COPS3: variants seen among roughly 807,000 people sequenced by gnomAD.
The protein encoded by COPS3 is COP9 signalosome complex subunit 3.
In COPS3, 10 loss-of-function variants were observed where a neutral mutation model predicts 58.2. That is an observed-to-expected ratio of 0.17 (90% confidence interval 0.11 to 0.29). COPS3 has a LOEUF of 0.29. COPS3 is among the 10% of genes least tolerant of loss of function. The probability of loss-of-function intolerance (pLI) is 1.00; values close to 1 mark genes in which losing one functional copy is unlikely to be tolerated. For missense variants in COPS3, 333 were observed against 510.1 expected (o/e 0.65, Z 3.34); for synonymous variants, 187 against 181.7 (o/e 1.03, Z -0.24).
intron 9 of COPS3, among the ~76,000 whole-genome samples, chr17:17,253,543 G>T (rs1243019062): frequency 6.6e-6 from 1 of 152,088 alleles, no homozygotes; most frequent in Non-Finnish European, 1.5e-5. Context: ...TTCCTAAGCT[G>T]GATGCTAAGT....
chr17:17,268,963 C>A (rs2048288938), intron 4 of COPS3, among the ~76,000 whole-genome samples: 1 of 152,120 alleles, frequency 6.6e-6, no homozygotes. Flanking sequence ...CTTAGTACTA[C>A]AAAATAACAA....
At chr17:17,252,249 C>A (rs114808785) in intron 9 of COPS3, among the ~76,000 whole-genome samples, 3,402 of 151,796 alleles carry the variant, frequency 0.022, 133 homozygotes, top group African/African-American at 0.078. Flanking sequence ...CTTTAAAAAA[C>A]AAACAAACAA....
intron 10 of COPS3, 25 bp downstream of exon 10, chr17:17,248,901 A>C: frequency 7.1e-7 from 1 of 1,399,392 alleles, no homozygotes; most frequent in Non-Finnish European, 9.9e-7. Flanking sequence ...AATTAAAAAA[A>C]TAAAAACCTG....
intron 4 of COPS3, among the ~76,000 whole-genome samples, chr17:17,270,190 T>G (rs1483729167): frequency 6.6e-6 from 1 of 151,808 alleles, no homozygotes; most frequent in African/African-American, 2.4e-5. Context: ...CATTTCTGGA[T>G]GCTGACCATT....
chr17:17,274,046 C>T (rs1303150982), intron 2 of COPS3, among the ~76,000 whole-genome samples: 2 of 152,166 alleles, frequency 1.3e-5, no homozygotes, highest in African/African-American at 2.4e-5. Flanking sequence ...ATGTTTTATA[C>T]ACACATAAAC....
chr17:17,263,510 C>CTGTT (rs1342376041), intron 6 of COPS3, among the ~76,000 whole-genome samples: 16 of 98,888 alleles, frequency 1.6e-4, no homozygotes, highest in African/African-American at 6.5e-4. Flanking sequence ...CTTGCCTTTT[C>CTGTT]TTTTTTTTTT....
chr17:17,257,265 G>C, intron 8 of COPS3, among the ~76,000 whole-genome samples: 1 of 151,778 alleles, frequency 6.6e-6, no homozygotes, highest in Non-Finnish European at 1.5e-5. Flanking sequence ...TCAGGAGGTT[G>C]AGGCAGGAGA....
Position 17,246,688 on chromosome 17 carries a change from C to G in COPS3, c.*410G>C, listed in dbSNP as rs1233442955. 5.9e-6 allele frequency: 1 copy of G among 169,550 alleles called. No individual in the cohort carries two copies. Among genetic ancestry groups the G allele is most frequent in the Non-Finnish European group, 1.3e-5 (1 of 78,322 alleles). 10.5% of individuals were successfully genotyped at this position (169,550 alleles called of 1,614,324 possible). A position where few individuals can be genotyped will look rare whatever the true frequency, so the allele number is the denominator to read the frequency against. On this transcript the variant is annotated 3_prime_UTR_variant, in exon 12 of 12. Coordinates refer to ENST00000268717, the MANE Select transcript of COPS3 (RefSeq NM_003653.4). ...CAACTTTTAGATTTTTTTGTAGATA[C>G]AAATTTGTCAATAAATAAAAACCTT...
chr17:17,274,177 C>T lies in COPS3; in HGVS notation c.185+1858G>A, dbSNP rs370194333. Among the ~76,000 whole-genome samples the T allele has an allele frequency of 1.5e-4, 23 of 152,166 alleles. No homozygotes were observed. The South Asian group carries it at 2.7e-3, about 18-fold the overall frequency. Reference sequence around the variant, plus strand: ...GAACCCTGAGCTTCTGGCTGAGGACCCTGGTTTTGAATCTACATATTCTTC... The same window carrying T: ...GAACCCTGAGCTTCTGGCTGAGGACTCTGGTTTTGAATCTACATATTCTTC... On this transcript the variant is annotated intron_variant, in intron 2 of 11. Transcript: ENST00000268717.
intron 4 of COPS3, 92 bp from the exon 5 acceptor site, chr17:17,268,069 A>C: frequency 6.9e-7 from 1 of 1,458,564 alleles, no homozygotes. Flanking sequence ...AATAACACTA[A>C]TTGATAGGTT....
chr17:17,246,922 CCTTT>C lies in COPS3; in HGVS notation c.*172_*175del. The C allele has an allele frequency of 1.6e-6, 1 of 607,504 alleles. No homozygotes were observed. The highest frequency in any genetic ancestry group is 3.0e-6 in the Non-Finnish European group (1 of 335,032). The allele number at this position is 607,504 out of a possible 1,614,324, so 37.6% of individuals were successfully genotyped here. On this transcript the variant is annotated 3_prime_UTR_variant, in exon 12 of 12. Coordinates refer to ENST00000268717, the MANE Select transcript of COPS3 (RefSeq NM_003653.4). ...GACTTTAAAGTTTGCAAATCTGTTT[CCTTT>C]CTTTGCAGAGAAAATGGTTTTCTGA...
intron 6 of COPS3, among the ~76,000 whole-genome samples, chr17:17,263,783 G>T (rs2048163641): frequency 6.6e-6 from 1 of 152,124 alleles, no homozygotes; most frequent in African/African-American, 2.4e-5. Context: ...CAAAGTGCTG[G>T]GATTACAGGC....
intron 2 of COPS3, among the ~76,000 whole-genome samples, chr17:17,272,058 G>C (rs2145248434): frequency 6.6e-6 from 1 of 151,884 alleles, no homozygotes; most frequent in Non-Finnish European, 1.5e-5. Context: ...AAGGTGGGCA[G>C]ATGGGCAGAT....
rs772166807 is a variant in COPS3 at position 17,262,127 on chromosome 17, T to G, written c.622-21A>C. ...ATAGCCTAGGCAAGAGAAGAATGCT[T>G]GCTGTAAAGAGAACATACCACAGTA... On this transcript the variant is annotated intron_variant, in intron 6 of 11. Transcript: ENST00000268717. 1.7e-5 allele frequency: 28 copies of G among 1,600,708 alleles called. 1 individual carries two copies. The South Asian group carries it at 2.8e-4, about 16-fold the overall frequency.
At position 17,270,648 on chromosome 17, in the gene COPS3, A is replaced by G. The variant is rs1268389; in HGVS notation, c.348+110T>C. Reference sequence around the variant, plus strand: ...TGAGTGCTCTCAAGTGACCACAGATATCTAGGTGGTGGATGCTCAGTACTA... The same window carrying G: ...TGAGTGCTCTCAAGTGACCACAGATGTCTAGGTGGTGGATGCTCAGTACTA... On this transcript the variant is annotated intron_variant, in intron 4 of 11. Coordinates refer to ENST00000268717, the MANE Select transcript of COPS3 (RefSeq NM_003653.4). 1,780 of 953,072 alleles carry G rather than the reference A, an allele frequency of 1.9e-3. 1 individual carries two copies. Among genetic ancestry groups the G allele is most frequent in the Non-Finnish European group, 2.2e-3 (1,411 of 629,260 alleles). 59.0% of individuals were successfully genotyped at this position (953,072 alleles called of 1,614,324 possible). A position where few individuals can be genotyped will look rare whatever the true frequency, so the allele number is the denominator to read the frequency against.
intron 2 of COPS3, among the ~76,000 whole-genome samples, chr17:17,273,617 G>A (rs779683788): frequency 6.6e-6 from 1 of 152,082 alleles, no homozygotes; most frequent in South Asian, 2.1e-4. Flanking sequence ...TTGGGAGGCT[G>A]AGATGGGCAG....
intron 1 of COPS3, among the ~76,000 whole-genome samples, chr17:17,279,905 C>A (rs531608094): frequency 1.3e-5 from 2 of 152,308 alleles, no homozygotes; most frequent in Non-Finnish European, 2.9e-5. Flanking sequence ...TCGGTACATT[C>A]ATACGCAATG....
rs541167240 is a variant in COPS3 at position 17,246,926 on chromosome 17, T to C, written c.*172A>G. 7.3e-5 allele frequency: 45 copies of C among 617,072 alleles called. No individual in the cohort carries two copies. The highest frequency in any genetic ancestry group is 4.8e-4 in the African/African-American group (26 of 54,592). 38.2% of individuals were successfully genotyped at this position (617,072 alleles called of 1,614,324 possible). Reference sequence around the variant, plus strand: ...TTAAAGTTTGCAAATCTGTTTCCTTTCTTTGCAGAGAAAATGGTTTTCTGA... The same window carrying C: ...TTAAAGTTTGCAAATCTGTTTCCTTCCTTTGCAGAGAAAATGGTTTTCTGA... On this transcript the variant is annotated 3_prime_UTR_variant, in exon 12 of 12. Transcript: ENST00000268717.
intron 6 of COPS3, among the ~76,000 whole-genome samples, chr17:17,262,603 G>A (rs1043014988): frequency 5.3e-5 from 8 of 151,906 alleles, no homozygotes; most frequent in African/African-American, 1.5e-4. Context: ...GGTGGTGGGC[G>A]CCTGTAGTCC....
Sources: allele counts gnomAD v4.1 joint callset (sites outside exome capture counted in the v4.1 genomes callset), GRCh38; gene constraint gnomAD v4.1.1; transcripts MANE v1.5; gene names NCBI Gene and HGNC (gene_info 2026-07-23, HGNC 2026-07-21).